NKAIN3: variants seen among roughly 807,000 people sequenced by gnomAD.
NKAIN3 encodes sodium/potassium-transporting ATPase subunit beta-1-interacting protein 3.
Under a neutral mutation model 30.2 loss-of-function variants are expected in NKAIN3, and 25 were observed. The ratio of observed to expected loss-of-function variants is 0.83; its 90% CI spans 0.60 to 1.16. NKAIN3 has a LOEUF of 1.16. Among genes scored for constraint, NKAIN3 ranks in the 50% most tolerant of loss-of-function variants. The pLI, the probability that NKAIN3 is intolerant of heterozygous loss-of-function variation, is 0.00. For synonymous variants in NKAIN3, 91 were observed against 89.6 expected, an observed-to-expected ratio of 1.02 and a Z score of -0.09; for missense variants, 225 against 254.1, an observed-to-expected ratio of 0.89 and a Z score of 0.78.
At chr8:62,835,746 T>C (rs1244991591) in intron 4 of NKAIN3, among the ~76,000 whole-genome samples, 1 of 152,120 alleles carries the variant, frequency 6.6e-6, no homozygotes, top group East Asian at 1.9e-4. Context: ...CTGGTGGGAA[T>C]ATAAATTAGA....
rs1293327066 is a variant in NKAIN3, at chr8:62,863,906, TCTC to T, written c.472-54541_472-54539del. The T allele has an allele frequency of 2.3e-6, 3 of 1,308,578 alleles. No individual in the cohort carries two copies. In the South Asian group the frequency reaches 3.5e-5, roughly 15 times the overall value. 81.1% of individuals were successfully genotyped at this position (1,308,578 alleles called of 1,614,324 possible). A position where few individuals can be genotyped will look rare whatever the true frequency, so the allele number is the denominator to read the frequency against. On this transcript the variant is annotated intron_variant, in intron 4 of 6. Coordinates refer to ENST00000623646, the MANE Select transcript of NKAIN3 (RefSeq NM_001304533.3). ...CTCTTGCTCATCATCTGATCCAGGA[TCTC>T]CTCCTTTGGCTCTGGTGGTGTGGGG... is the stretch of plus-strand genomic sequence containing the variant.
intron 5 of NKAIN3, among the ~76,000 whole-genome samples, chr8:62,934,866 C>T (rs1470615265): frequency 6.6e-6 from 1 of 152,032 alleles, no homozygotes; most frequent in Non-Finnish European, 1.5e-5. Flanking sequence ...AAAGCAATGC[C>T]AGTCAAAAGC....
chr8:62,340,301 T>G (rs2129590903), intron 1 of NKAIN3, among the ~76,000 whole-genome samples: 1 of 152,104 alleles, frequency 6.6e-6, no homozygotes, highest in African/African-American at 2.4e-5. Flanking sequence ...TTTTTCCTCC[T>G]GGGTATGGGG....
chr8:62,897,721 C>G (rs1042476472), intron 4 of NKAIN3, among the ~76,000 whole-genome samples: 5 of 152,142 alleles, frequency 3.3e-5, no homozygotes, highest in African/African-American at 2.4e-5. Flanking sequence ...CATGAATAGA[C>G]TAATGCTCTC....
At chr8:62,284,252 T>C (rs1813297202) in intron 1 of NKAIN3, among the ~76,000 whole-genome samples, 1 of 152,152 alleles carries the variant, frequency 6.6e-6, no homozygotes, top group Admixed American at 6.6e-5. Flanking sequence ...TTGTAACCTC[T>C]GTGACTGGGA....
At chr8:62,890,879 T>G (rs930806188) in intron 4 of NKAIN3, among the ~76,000 whole-genome samples, 11 of 152,366 alleles carry the variant, frequency 7.2e-5, no homozygotes, top group Admixed American at 1.3e-4. Flanking sequence ...TTCCAAAATT[T>G]TATCCCTTTA....
intron 6 of NKAIN3, among the ~76,000 whole-genome samples, chr8:62,963,824 T>G (rs1823635085): frequency 6.6e-6 from 1 of 152,120 alleles, no homozygotes; most frequent in Admixed American, 6.5e-5. Context: ...GTTCTCTAGA[T>G]GAGTTCTAGG....
chr8:62,721,068 T>C (rs762036990), intron 3 of NKAIN3, among the ~76,000 whole-genome samples: 19 of 152,220 alleles, frequency 1.2e-4, no homozygotes, highest in Non-Finnish European at 1.9e-4. Context: ...TTTGCCCTTA[T>C]AAAATTTATG....
chr8:62,788,489 G>A (rs1163104008), intron 4 of NKAIN3, among the ~76,000 whole-genome samples: 1 of 152,108 alleles, frequency 6.6e-6, no homozygotes, highest in Non-Finnish European at 1.5e-5. Context: ...TAGGTTGCCT[G>A]TTCACTCTGA....
At chr8:62,321,842 A>G (rs1422909112) in intron 1 of NKAIN3, among the ~76,000 whole-genome samples, 3 of 151,740 alleles carry the variant, frequency 2.0e-5, no homozygotes, top group Non-Finnish European at 4.4e-5. Context: ...GAGAACCACT[A>G]CTCTCTTCAA....
intron 1 of NKAIN3, among the ~76,000 whole-genome samples, chr8:62,454,907 G>A (rs922427038): frequency 6.6e-6 from 1 of 152,186 alleles, no homozygotes; most frequent in Non-Finnish European, 1.5e-5. Flanking sequence ...TCCTGAAAGC[G>A]CCTTGTATAG....
chr8:62,961,124 T>TA (rs1823559444), intron 6 of NKAIN3, among the ~76,000 whole-genome samples: 1 of 151,666 alleles, frequency 6.6e-6, no homozygotes, highest in African/African-American at 2.4e-5. Flanking sequence ...CACCAAAAAA[T>TA]AAAAAAATTA....
chr8:62,711,740 T>C (rs1436186811), intron 3 of NKAIN3, among the ~76,000 whole-genome samples: 2 of 152,218 alleles, frequency 1.3e-5, no homozygotes, highest in African/African-American at 4.8e-5. Context: ...CTTTTTCAGG[T>C]AAATCATGCA....
At chr8:62,322,742 C>T (rs995713708) in intron 1 of NKAIN3, among the ~76,000 whole-genome samples, 2 of 152,104 alleles carry the variant, frequency 1.3e-5, no homozygotes, top group African/African-American at 4.8e-5. Context: ...GATCATGCTA[C>T]AGATGGGGAC....
At chr8:62,920,758 G>T (rs1354600758) in intron 5 of NKAIN3, among the ~76,000 whole-genome samples, 1 of 152,136 alleles carries the variant, frequency 6.6e-6, no homozygotes, top group Non-Finnish European at 1.5e-5. Context: ...TCTGGATATA[G>T]TACTTGTATT....
chr8:62,360,269 G>T (rs1330108534), intron 1 of NKAIN3, among the ~76,000 whole-genome samples: 3 of 152,178 alleles, frequency 2.0e-5, no homozygotes, highest in Non-Finnish European at 2.9e-5. Flanking sequence ...AGACTCCTAA[G>T]AAGATTGTGT....
intron 3 of NKAIN3, among the ~76,000 whole-genome samples, chr8:62,694,759 C>G (rs983338047): frequency 6.6e-6 from 1 of 152,138 alleles, no homozygotes; most frequent in Non-Finnish European, 1.5e-5. Flanking sequence ...AAAGTCATCT[C>G]ACTAAAACCA....
intron 4 of NKAIN3, among the ~76,000 whole-genome samples, chr8:62,803,936 C>A (rs1818171793): frequency 6.6e-6 from 1 of 152,084 alleles, no homozygotes; most frequent in Admixed American, 6.6e-5. Flanking sequence ...GGGGATATCA[C>A]CACTGATCCC....
chr8:62,471,432 G>T (rs901698993), intron 1 of NKAIN3, among the ~76,000 whole-genome samples: 1 of 151,964 alleles, frequency 6.6e-6, no homozygotes, highest in Non-Finnish European at 1.5e-5. Flanking sequence ...TGTAAGTTCT[G>T]TGAAAACGAT....
Sources: allele counts gnomAD v4.1 joint callset (sites outside exome capture counted in the v4.1 genomes callset), GRCh38; gene constraint gnomAD v4.1.1; transcripts MANE v1.5; gene names NCBI Gene and HGNC (gene_info 2026-07-23, HGNC 2026-07-21).